The following TEX15 variants were observed in gnomAD, a reference collection of about 807,000 sequenced individuals.
TEX15 encodes testis-expressed protein 15.
In TEX15, 171 loss-of-function variants were observed where a neutral mutation model predicts 237.3. The observed-to-expected ratio is 0.72, with a 90% CI of 0.64 to 0.82. The LOEUF (loss-of-function observed/expected upper bound fraction) is 0.82, where lower values mean the gene tolerates loss of function less well. Among genes scored for constraint, TEX15 ranks in the 40% least tolerant of loss-of-function variants. The probability of loss-of-function intolerance (pLI) is 0.00; values close to 1 mark genes in which losing one functional copy is unlikely to be tolerated. For missense variants in TEX15, 3,750 were observed against 3,646.5 expected, an observed-to-expected ratio of 1.03 and a Z score of -0.73; for synonymous variants, 1,338 against 1,269.8, an observed-to-expected ratio of 1.05 and a Z score of -1.14.
At chr8:30,838,658 CCAGA>C (rs1273883964) in intron 9 of TEX15, among the ~76,000 whole-genome samples, 1 of 149,408 alleles carries the variant, frequency 6.7e-6, no homozygotes, top group Non-Finnish European at 1.5e-5. Context: ...TTGTCTAAAG[CCAGA>C]CAGTTAATAT....
intron 9 of TEX15, 106 bp downstream of exon 9, chr8:30,839,800 G>A (rs943796556): frequency 3.4e-5 from 22 of 637,716 alleles, no homozygotes; most frequent in Admixed American, 2.2e-4. Flanking sequence ...TAAGTTACAT[G>A]TATGATCCAA....
intron 7 of TEX15, among the ~76,000 whole-genome samples, chr8:30,858,211 T>C (rs904009202): frequency 6.6e-6 from 1 of 151,672 alleles, no homozygotes; most frequent in Non-Finnish European, 1.5e-5. Flanking sequence ...ACAAACCTAA[T>C]ACTGAGCAAA....
intron 5 of TEX15, among the ~76,000 whole-genome samples, chr8:30,866,194 G>A (rs947130254): frequency 2.6e-5 from 4 of 152,134 alleles, no homozygotes; most frequent in Admixed American, 6.6e-5. Flanking sequence ...TACAACAGTT[G>A]CAAATGCTGC....
chr8:30,844,103 C>A lies in TEX15; in HGVS notation c.6064G>T (p.Val2022Phe), dbSNP rs780310148. Reference protein sequence around the residue: ...SLQILQEETKVCLNILPLFVE... With the variant: ...SLQILQEETKFCLNILPLFVE... The stretch of plus-strand genomic sequence containing the variant: ...AATAAAGGGAGAATATTTAGACAAA[C>A]CTTAGTTTCTTCCTGTAGAATCTGC... The change falls in exon 8 of 11, where the codon GTT becomes TTT. Residue 2022 changes from valine to phenylalanine, a missense_variant. Val to Phe is a conservative substitution (Grantham distance 50). Transcript: ENST00000643185. 6.2e-7 allele frequency: 1 copy of A among 1,613,086 alleles called. No homozygotes were observed. Among genetic ancestry groups the A allele is most frequent in the Non-Finnish European group, 8.5e-7 (1 of 1,179,534 alleles).
At chr8:30,907,429 C>CTAATTTATATATACATTTTGTATA (rs1809124919) in intron 1 of TEX15, among the ~76,000 whole-genome samples, 1 of 112,210 alleles carries the variant, frequency 8.9e-6, no homozygotes, top group Admixed American at 9.8e-5. Context: ...GGATGCCTGG[C>CTAATTTATATATACATTTTGTATA]TAATTTATAT....
In TEX15 at chr8:30,844,189, T is replaced by C; in HGVS notation, c.5978A>G (p.His1993Arg). 1 of 1,612,264 alleles carries C rather than the reference T, an allele frequency of 6.2e-7. No individual in the cohort carries two copies. The highest frequency in any genetic ancestry group is 1.7e-5 in the Admixed American group (1 of 59,768). ...DFKEKHCSANHTALIANLSQI... is the reference protein window; with the variant it reads ...DFKEKHCSANRTALIANLSQI... ...AGATAGATTAGCTATAAGGGCCGTA[T>C]GATTAGCTGAGCAATGTTTTTCTTT... The change falls in exon 8 of 11, where the codon CAT (histidine) becomes CGT (arginine). Residue 1993 changes from histidine (H) to arginine (R), a missense_variant. His to Arg is a conservative substitution (Grantham distance 29, BLOSUM62 0). Transcript: ENST00000643185.
intron 2 of TEX15, among the ~76,000 whole-genome samples, chr8:30,891,623 G>T (rs1463075858): frequency 6.6e-6 from 1 of 151,954 alleles, no homozygotes; most frequent in Non-Finnish European, 1.5e-5. Flanking sequence ...GGGACTACAG[G>T]CATGTGCCAC....
chr8:30,907,411 G>A (rs944262819), intron 1 of TEX15, among the ~76,000 whole-genome samples: 6 of 134,344 alleles, frequency 4.5e-5, no homozygotes, highest in Admixed American at 7.8e-5. Context: ...GACTACAGGC[G>A]CATGCCAGGA....
At chr8:30,868,655 C>T (rs1406720026) in intron 4 of TEX15, among the ~76,000 whole-genome samples, 3 of 151,946 alleles carry the variant, frequency 2.0e-5, no homozygotes, top group South Asian at 4.2e-4. Context: ...GAAATGTCAG[C>T]CTTAACTTTT....
chr8:30,837,203 T>C lies in TEX15; in HGVS notation c.9081A>G (p.Thr3027=), dbSNP rs759206285. 6.2e-7 allele frequency: 1 copy of C among 1,614,126 alleles called. No individual in the cohort carries two copies. Among genetic ancestry groups the C allele is most frequent in the Non-Finnish European group, 8.5e-7 (1 of 1,180,020 alleles). ...NELPQSACNP[T]YNSSEHLFGT... ...CAAATAAATGCTCAGAAGAATTATA[T>C]GTTGGGTTACATGCAGACTGTGGAA... is the stretch of plus-strand genomic sequence containing the variant. Residue 3027 remains threonine (T), a synonymous_variant, in exon 10 of 11, where the codon ACA becomes ACG. Transcript: ENST00000643185.
intron 8 of TEX15, among the ~76,000 whole-genome samples, chr8:30,840,740 A>G (rs1019599254): frequency 3.3e-5 from 5 of 152,182 alleles, no homozygotes; most frequent in African/African-American, 1.2e-4. Context: ...CTCAGAATCT[A>G]TCTGTTAAAT....
At chr8:30,864,392 A>G (rs1454471758) in intron 5 of TEX15, among the ~76,000 whole-genome samples, 24 of 151,954 alleles carry the variant, frequency 1.6e-4, no homozygotes, top group Non-Finnish European at 1.5e-5. Context: ...ATGGGCAGAG[A>G]GAACATTTGA....
intron 1 of TEX15, among the ~76,000 whole-genome samples, chr8:30,909,402 C>G (rs1386961247): frequency 7.0e-6 from 1 of 143,540 alleles, no homozygotes; most frequent in African/African-American, 2.7e-5. Context: ...AGACCCCCCC[C>G]CGCCCCCACT....
At chr8:30,879,775 T>C (rs1808478525) in intron 3 of TEX15, among the ~76,000 whole-genome samples, 1 of 152,198 alleles carries the variant, frequency 6.6e-6, no homozygotes, top group Admixed American at 6.5e-5. Flanking sequence ...CCCAGGTAAG[T>C]GTCAGAATAA....
chr8:30,882,072 T>C (rs138581188), intron 3 of TEX15, among the ~76,000 whole-genome samples: 1 of 152,302 alleles, frequency 6.6e-6, no homozygotes, highest in East Asian at 1.9e-4. Context: ...TGCATTTTCA[T>C]TTTAGTTATA....
At chr8:30,839,993 T>C in intron 8 of TEX15, 29 bp from the exon 9 acceptor site, 1 of 1,359,226 alleles carries the variant, frequency 7.4e-7, no homozygotes, top group Non-Finnish European at 1.0e-6. Flanking sequence ...AAGAAAATCT[T>C]CATTAGTGAT....
intron 1 of TEX15, among the ~76,000 whole-genome samples, chr8:30,905,832 A>T (rs555933685): frequency 3.7e-4 from 56 of 151,910 alleles, no homozygotes; most frequent in Admixed American, 1.1e-3. Flanking sequence ...TGAGCTCAGA[A>T]GGTGGCTGTT....
At chr8:30,865,892 T>C (rs2128771553) in intron 5 of TEX15, among the ~76,000 whole-genome samples, 1 of 152,294 alleles carries the variant, frequency 6.6e-6, no homozygotes, top group South Asian at 2.1e-4. Context: ...AAGACAAGGA[T>C]GCTCACTTTA....
chr8:30,860,901 C>T (rs1417771891), intron 5 of TEX15, among the ~76,000 whole-genome samples: 2 of 151,606 alleles, frequency 1.3e-5, no homozygotes, highest in Non-Finnish European at 2.9e-5. Context: ...ACTTGGAAGA[C>T]AAACACGAAT....
Sources: allele counts gnomAD v4.1 joint callset (sites outside exome capture counted in the v4.1 genomes callset), GRCh38; gene constraint gnomAD v4.1.1; transcripts MANE v1.5; gene names NCBI Gene and HGNC (gene_info 2026-07-23, HGNC 2026-07-21).